Variants in RXFP1 observed in about 807,000 individuals in gnomAD.
RXFP1 encodes the protein relaxin receptor 1.
In RXFP1, 73 loss-of-function variants were observed where a neutral mutation model predicts 89.8. The observed-to-expected ratio is 0.81, with a 90% CI of 0.67 to 0.99. The LOEUF is 0.99. Ranked by LOEUF, RXFP1 falls within the 50% of genes least tolerant of loss-of-function variation. RXFP1 has a pLI of 0.00. For missense variants in RXFP1, 793 were observed against 895.5 expected (o/e 0.89, Z 1.46); for synonymous variants, 277 against 305.5 (o/e 0.91, Z 0.97).
intron 1 of RXFP1, among the ~76,000 whole-genome samples, chr4:158,560,589 T>C (rs1231235570): frequency 6.6e-6 from 1 of 152,248 alleles, no homozygotes; most frequent in Non-Finnish European, 1.5e-5. Context: ...AAGAAGCGTT[T>C]ATTTTTCTCA....
At chr4:158,628,855 G>A in intron 11 of RXFP1, 146 bp downstream of exon 11, 3 of 411,970 alleles carry the variant, frequency 7.3e-6, no homozygotes, top group Non-Finnish European at 8.8e-6. Flanking sequence ...AAGCCACAAA[G>A]GAATTCAGAT....
intron 1 of RXFP1, among the ~76,000 whole-genome samples, chr4:158,563,496 GCACACACACACA>G (rs145181248): frequency 4.8e-4 from 68 of 142,480 alleles, no homozygotes; most frequent in Non-Finnish European, 8.6e-4. Context: ...AGAATTCAAT[GCACACACACACA>G]CACACACACA....
intron 1 of RXFP1, among the ~76,000 whole-genome samples, chr4:158,532,286 G>A (rs947503055): frequency 2.0e-5 from 3 of 152,014 alleles, no homozygotes; most frequent in African/African-American, 7.2e-5. Context: ...TTTTATGGCT[G>A]GGTAGTATTC....
At chr4:158,620,382 G>A (rs1165921678) in intron 9 of RXFP1, among the ~76,000 whole-genome samples, 1 of 152,002 alleles carries the variant, frequency 6.6e-6, no homozygotes, top group Non-Finnish European at 1.5e-5. Context: ...GGAAGAACAG[G>A]ACAGAAGACA....
chr4:158,577,192 C>T (rs1310002878), intron 2 of RXFP1, among the ~76,000 whole-genome samples: 1 of 152,078 alleles, frequency 6.6e-6, no homozygotes, highest in African/African-American at 2.4e-5. Context: ...TGTGTGTTAC[C>T]ATGCTCAGCT....
At chr4:158,531,919 TTTTGTTTG>T (rs201039668) in intron 1 of RXFP1, among the ~76,000 whole-genome samples, 18 of 58,718 alleles carry the variant, frequency 3.1e-4, no homozygotes, top group African/African-American at 5.0e-4. Flanking sequence ...GGTTTGGGTA[TTTTGTTTG>T]TTTGTTTGTT....
chr4:158,601,751 A>G (rs767251002), intron 4 of RXFP1, among the ~76,000 whole-genome samples: 1 of 152,244 alleles, frequency 6.6e-6, no homozygotes, highest in Admixed American at 6.5e-5. Flanking sequence ...AACCATATGT[A>G]AGTATCAAAG....
At chr4:158,580,745 T>G (rs1421992977) in intron 2 of RXFP1, among the ~76,000 whole-genome samples, 1 of 152,288 alleles carries the variant, frequency 6.6e-6, no homozygotes, top group East Asian at 1.9e-4. Flanking sequence ...TCACTGAATA[T>G]TTTAGGTTTG....
intron 1 of RXFP1, among the ~76,000 whole-genome samples, chr4:158,561,521 G>T (rs1752421595): frequency 6.6e-6 from 1 of 151,766 alleles, no homozygotes; most frequent in Non-Finnish European, 1.5e-5. Flanking sequence ...ATCTGAGAAT[G>T]CATTTGCAAA....
intron 1 of RXFP1, among the ~76,000 whole-genome samples, chr4:158,529,244 T>TTTTTTG (rs756051922): frequency 9.1e-6 from 1 of 109,994 alleles, no homozygotes; most frequent in Non-Finnish European, 1.9e-5. Context: ...TTGCTTGTTT[T>TTTTTTG]TTGTTGTTGT....
intron 14 of RXFP1, among the ~76,000 whole-genome samples, chr4:158,643,553 C>CTCTG (rs1484476981): frequency 7.0e-6 from 1 of 142,996 alleles, no homozygotes; most frequent in Non-Finnish European, 1.5e-5. Context: ...TCACTGCAAC[C>CTCTG]TCTGCCTCCA....
intron 17 of RXFP1, among the ~76,000 whole-genome samples, chr4:158,651,310 G>A (rs1772681784): frequency 6.6e-6 from 1 of 151,698 alleles, no homozygotes; most frequent in South Asian, 2.1e-4. Context: ...AAAATCAAAT[G>A]GCAAAAAAGA....
At position 158,572,774 on chromosome 4, in the gene RXFP1, T is replaced by A. The variant is rs1488526342; in HGVS notation, c.126T>A (p.Pro42=). ...GTGGGAACATCACAAAGTGCTTGCCTCAGCTCCTGCACTGTAACGGTGTGG... is the reference window on the plus strand; with the variant it reads ...GTGGGAACATCACAAAGTGCTTGCCACAGCTCCTGCACTGTAACGGTGTGG... ...FPCGNITKCL[P]QLLHCNGVDD... The change falls in exon 2 of 18, where the codon CCT becomes CCA. Residue 42 remains proline (P), a synonymous_variant. Transcript: ENST00000307765. 6.2e-7 allele frequency: 1 copy of A among 1,614,182 alleles called. No individual in the cohort carries two copies. Among genetic ancestry groups the A allele is most frequent in the South Asian group, 1.1e-5 (1 of 91,072 alleles).
intron 9 of RXFP1, among the ~76,000 whole-genome samples, chr4:158,623,515 A>AAAAAAAAAAAAG (rs1766077656): frequency 6.7e-6 from 1 of 149,740 alleles, no homozygotes; most frequent in Non-Finnish European, 1.5e-5. Flanking sequence ...AAAAAAAAAA[A>AAAAAAAAAAAAG]AAAAAAAAAA....
At chr4:158,573,731 G>A (rs1292252283) in intron 2 of RXFP1, among the ~76,000 whole-genome samples, 1 of 152,144 alleles carries the variant, frequency 6.6e-6, no homozygotes, top group Non-Finnish European at 1.5e-5. Context: ...AAGCAATTAT[G>A]TAAGCTTGAG....
intron 2 of RXFP1, among the ~76,000 whole-genome samples, chr4:158,580,779 T>C (rs1757193613): frequency 6.6e-6 from 1 of 152,184 alleles, no homozygotes; most frequent in Non-Finnish European, 1.5e-5. Context: ...TGTTCTAGGT[T>C]TGTCTATGCA....
intron 1 of RXFP1, among the ~76,000 whole-genome samples, chr4:158,524,431 T>G (rs1238196981): frequency 6.6e-6 from 1 of 152,214 alleles, no homozygotes; most frequent in Admixed American, 6.5e-5. Flanking sequence ...GCATGGTCCC[T>G]GCTCTAAAGG....
chr4:158,568,202 T>A (rs1328117858), intron 1 of RXFP1, among the ~76,000 whole-genome samples: 1 of 152,170 alleles, frequency 6.6e-6, no homozygotes, highest in Non-Finnish European at 1.5e-5. Context: ...ACTCGCTGCT[T>A]CTAAGAACTG....
intron 14 of RXFP1, among the ~76,000 whole-genome samples, chr4:158,642,314 T>C (rs1246393369): frequency 6.6e-6 from 1 of 152,134 alleles, no homozygotes; most frequent in African/African-American, 2.4e-5. Context: ...ATATTCAATA[T>C]CCTCCTTCTA....
Sources: allele counts gnomAD v4.1 joint callset (sites outside exome capture counted in the v4.1 genomes callset), GRCh38; gene constraint gnomAD v4.1.1; transcripts MANE v1.5; gene names NCBI Gene and HGNC (gene_info 2026-07-23, HGNC 2026-07-21).